RELL1: variants seen among roughly 807,000 people sequenced by gnomAD.
The protein encoded by RELL1 is RELT like 1.
In RELL1, 10 loss-of-function variants were observed where a neutral mutation model predicts 23.0. That is an observed-to-expected ratio of 0.43 (90% confidence interval 0.27 to 0.74). The LOEUF is 0.74. Ranked by LOEUF, RELL1 falls within the 30% of genes least tolerant of loss-of-function variation. The pLI is 0.19. For synonymous variants in RELL1, 146 were observed against 146.8 expected (o/e 0.99, Z 0.04); for missense variants, 315 against 364.4 (o/e 0.86, Z 1.10).
intron 6 of RELL1, among the ~76,000 whole-genome samples, chr4:37,614,299 AATATTCAATATT>A (rs1477513489): frequency 2.6e-5 from 4 of 152,126 alleles, no homozygotes; most frequent in Admixed American, 6.5e-5. Context: ...GGTCAACCAT[AATATTCAATATT>A]ATATTCAATA....
intron 6 of RELL1, among the ~76,000 whole-genome samples, chr4:37,604,904 C>G (rs1209427337): frequency 5.9e-5 from 3 of 51,092 alleles, no homozygotes; most frequent in Admixed American, 2.2e-4. Flanking sequence ...CACACAGACA[C>G]ACACACACAC....
chr4:37,675,516 A>C (rs1721998390), intron 1 of RELL1, among the ~76,000 whole-genome samples: 1 of 152,242 alleles, frequency 6.6e-6, no homozygotes, highest in African/African-American at 2.4e-5. Context: ...TATTTTGTAC[A>C]CATTTCATAT....
At chr4:37,597,677 A>C (rs1043574478) in intron 6 of RELL1, among the ~76,000 whole-genome samples, 9 of 152,328 alleles carry the variant, frequency 5.9e-5, no homozygotes, top group Non-Finnish European at 2.9e-5. Flanking sequence ...TGAAGACACA[A>C]GATCTAAGGT....
chr4:37,684,680 T>G (rs1360888478), intron 1 of RELL1, among the ~76,000 whole-genome samples: 2 of 152,152 alleles, frequency 1.3e-5, no homozygotes, highest in Non-Finnish European at 2.9e-5. Flanking sequence ...CAGCAGGGCA[T>G]GGTGGCTCAT....
At chr4:37,668,608 G>A (rs565670200) in intron 1 of RELL1, among the ~76,000 whole-genome samples, 1 of 152,004 alleles carries the variant, frequency 6.6e-6, no homozygotes, top group Non-Finnish European at 1.5e-5. Flanking sequence ...TCCCAAAGTG[G>A]CGAGATTGCA....
At chr4:37,631,599 C>A in intron 5 of RELL1, 76 bp from the exon 6 acceptor site, 3 of 1,523,418 alleles carry the variant, frequency 2.0e-6, no homozygotes, top group Non-Finnish European at 2.7e-6. Flanking sequence ...CAAAAATCAT[C>A]CACCCAGAGG....
intron 6 of RELL1, among the ~76,000 whole-genome samples, chr4:37,599,184 G>T (rs945129393): frequency 6.6e-6 from 1 of 152,196 alleles, no homozygotes; most frequent in African/African-American, 2.4e-5. Context: ...AGAAAAGTTA[G>T]TCAAGGCCTT....
chr4:37,660,865 A>G (rs1050775262), intron 1 of RELL1, among the ~76,000 whole-genome samples: 1 of 152,106 alleles, frequency 6.6e-6, no homozygotes. Context: ...CCCCGTCTCT[A>G]CTAAAAATAT....
chr4:37,615,127 A>G (rs1458381599), intron 6 of RELL1, among the ~76,000 whole-genome samples: 2 of 152,226 alleles, frequency 1.3e-5, no homozygotes, highest in Non-Finnish European at 2.9e-5. Context: ...AGCAATCAGT[A>G]TGCTCCGAAA....
At chr4:37,649,594 T>G in intron 1 of RELL1, 94 bp from the exon 2 acceptor site, 5 of 1,166,876 alleles carry the variant, frequency 4.3e-6, no homozygotes, top group Non-Finnish European at 6.2e-6. Context: ...AGTCAGGGTC[T>G]GCTCCCGAAA....
intron 6 of RELL1, among the ~76,000 whole-genome samples, chr4:37,603,032 C>A (rs1351896945): frequency 6.6e-6 from 1 of 152,226 alleles, no homozygotes; most frequent in African/African-American, 2.4e-5. Context: ...TTTACTCTCA[C>A]AAAATAGCTA....
At chr4:37,617,601 G>T (rs531118491) in intron 6 of RELL1, among the ~76,000 whole-genome samples, 1 of 152,262 alleles carries the variant, frequency 6.6e-6, no homozygotes, top group South Asian at 2.1e-4. Context: ...TGGCCAACAT[G>T]GTGAAACCAC....
intron 1 of RELL1, among the ~76,000 whole-genome samples, chr4:37,662,075 C>T (rs1373180400): frequency 6.6e-6 from 1 of 152,126 alleles, no homozygotes; most frequent in Non-Finnish European, 1.5e-5. Flanking sequence ...TCCTGAAATG[C>T]TACCATGAGT....
intron 6 of RELL1, among the ~76,000 whole-genome samples, chr4:37,596,736 ATTTTTTTTTT>A (rs1178565372): frequency 2.4e-4 from 4 of 16,506 alleles, no homozygotes; most frequent in African/African-American, 5.3e-4. Flanking sequence ...ATATATATAT[ATTTTTTTTTT>A]TTTTTTTTTT....
chr4:37,636,320 G>T (rs945781921), intron 4 of RELL1, among the ~76,000 whole-genome samples: 2 of 152,144 alleles, frequency 1.3e-5, no homozygotes, highest in South Asian at 2.1e-4. Flanking sequence ...ATATGGCCAG[G>T]CGTGGTGGCT....
rs1448056078 is a variant in RELL1, at chr4:37,663,318, A to G, written c.89-13818T>C. ...GGGGCTGGGTGGCTGCACAACAGGA[A>G]TGGAGAGAGCCTCTGACTAATGGCT... On this transcript the variant is annotated intron_variant, in intron 1 of 6. Transcript: ENST00000454158. Among the ~76,000 whole-genome samples, 4 of 152,200 alleles carry G rather than the reference A, an allele frequency of 2.6e-5. No homozygotes were observed. The East Asian group carries it at 7.7e-4, about 29-fold the overall frequency.
chr4:37,651,556 G>GA (rs1720939025), intron 1 of RELL1, among the ~76,000 whole-genome samples: 1 of 152,182 alleles, frequency 6.6e-6, no homozygotes, highest in African/African-American at 2.4e-5. Flanking sequence ...TATTGTAATT[G>GA]AGAGTGGCAG....
At chr4:37,594,276 A>G (rs2939744) in intron 6 of RELL1, among the ~76,000 whole-genome samples, 86,485 of 152,070 alleles carry the variant, frequency 0.57, 28,271 homozygotes, top group Non-Finnish European at 0.75. Flanking sequence ...GAGCACGCTT[A>G]TGTGTGTAGT....
intron 5 of RELL1, among the ~76,000 whole-genome samples, chr4:37,634,424 C>T (rs1008934408): frequency 2.0e-5 from 3 of 151,948 alleles, no homozygotes; most frequent in South Asian, 2.1e-4. Flanking sequence ...CAAAATGATA[C>T]GAGCCACTCT....
Sources: allele counts gnomAD v4.1 joint callset (sites outside exome capture counted in the v4.1 genomes callset), GRCh38; gene constraint gnomAD v4.1.1; transcripts MANE v1.5; gene names NCBI Gene and HGNC (gene_info 2026-07-23, HGNC 2026-07-21).